Variants in ZNF423 observed in about 807,000 individuals in gnomAD.
The protein encoded by ZNF423 is Ebf-associated zinc finger protein.
In ZNF423, 12 loss-of-function variants were observed where a neutral mutation model predicts 95.8. That is an observed-to-expected ratio of 0.13 (90% CI 0.08 to 0.20). The LOEUF is 0.20. Ranked by LOEUF, ZNF423 falls within the 10% of genes least tolerant of loss-of-function variation. The pLI, the probability that ZNF423 is intolerant of heterozygous loss-of-function variation, is 1.00. For missense variants in ZNF423, 1,316 were observed against 1,737.1 expected (o/e 0.76, Z 4.31); for synonymous variants, 749 against 711.9 (o/e 1.05, Z -0.83).
chr16:49,745,566 G>A (rs530711043), intron 2 of ZNF423, among the ~76,000 whole-genome samples: 4 of 152,148 alleles, frequency 2.6e-5, no homozygotes, highest in Non-Finnish European at 5.9e-5. Context: ...CAGCAAACTC[G>A]TACCTGACTG....
chr16:49,596,477 T>C (rs1268786213), intron 5 of ZNF423, among the ~76,000 whole-genome samples: 5 of 152,196 alleles, frequency 3.3e-5, no homozygotes, highest in African/African-American at 1.2e-4. Context: ...TGTAACACCA[T>C]GTAAAATGCA....
At chr16:49,646,794 G>C (rs183633512) in intron 3 of ZNF423, among the ~76,000 whole-genome samples, 1 of 152,110 alleles carries the variant, frequency 6.6e-6, no homozygotes, top group East Asian at 1.9e-4. Context: ...GGCTGGTCTT[G>C]AACTCCTGAC....
chr16:49,683,368 G>A (rs1037838174), intron 3 of ZNF423, among the ~76,000 whole-genome samples: 1 of 152,158 alleles, frequency 6.6e-6, no homozygotes, highest in African/African-American at 2.4e-5. Context: ...TCTTAATATT[G>A]AAAATACATT....
At chr16:49,735,598 T>C (rs2033266708) in intron 2 of ZNF423, among the ~76,000 whole-genome samples, 1 of 152,134 alleles carries the variant, frequency 6.6e-6, no homozygotes, top group South Asian at 2.1e-4. Context: ...GCAACAGAAG[T>C]GCTATTCTAG....
At chr16:49,734,474 C>T (rs914977600) in intron 2 of ZNF423, among the ~76,000 whole-genome samples, 4 of 152,212 alleles carry the variant, frequency 2.6e-5, no homozygotes, top group African/African-American at 7.2e-5. Context: ...TTCAACAGGC[C>T]GAGGAGAAGG....
chr16:49,579,721 G>A (rs1970607955), intron 5 of ZNF423, among the ~76,000 whole-genome samples: 1 of 152,108 alleles, frequency 6.6e-6, no homozygotes, highest in Admixed American at 6.5e-5. Flanking sequence ...CCTTTCTCAA[G>A]GACCACCATA....
chr16:49,524,885 G>A (rs1239348826), intron 6 of ZNF423, among the ~76,000 whole-genome samples: 1 of 152,224 alleles, frequency 6.6e-6, no homozygotes, highest in African/African-American at 2.4e-5. Flanking sequence ...TGGGGGCTGG[G>A]AACTTGGCCG....
At chr16:49,582,044 C>G (rs951556287) in intron 5 of ZNF423, among the ~76,000 whole-genome samples, 3 of 152,200 alleles carry the variant, frequency 2.0e-5, no homozygotes, top group Non-Finnish European at 4.4e-5. Context: ...GTTAGTTGCA[C>G]CTACTCTGTC....
At chr16:49,550,328 AT>A (rs2151752039) in intron 5 of ZNF423, among the ~76,000 whole-genome samples, 1 of 152,258 alleles carries the variant, frequency 6.6e-6, no homozygotes, top group African/African-American at 2.4e-5. Context: ...CTTTTCGTCC[AT>A]TCTCTTCCAT....
chr16:49,593,533 G>A (rs765407512), intron 5 of ZNF423, among the ~76,000 whole-genome samples: 17 of 152,126 alleles, frequency 1.1e-4, no homozygotes, highest in Admixed American at 7.2e-4. Flanking sequence ...GAAGTCTGGC[G>A]GACAGGGTTT....
chr16:49,727,836 G>A (rs35092661), intron 3 of ZNF423, among the ~76,000 whole-genome samples: 3 of 152,214 alleles, frequency 2.0e-5, no homozygotes, highest in South Asian at 2.1e-4. Context: ...CGCCCAGCGC[G>A]GCCCTCTCGG....
At position 49,603,566 on chromosome 16, in the gene ZNF423, C is replaced by T. The variant is rs1379201720; in HGVS notation, c.3601+22604G>A. ...CTGGGATTACAGGCGCCCGCCACCACGCCCAGCTAATTTTTGTGTTTTTAG... is the reference window on the plus strand; with the variant it reads ...CTGGGATTACAGGCGCCCGCCACCATGCCCAGCTAATTTTTGTGTTTTTAG... On this transcript the variant is annotated intron_variant, in intron 5 of 7. Coordinates refer to ENST00000563137, the MANE Select transcript of ZNF423 (RefSeq NM_001379286.1). The surrounding 1 kb of genome is among the most constrained non-coding windows in gnomAD (Gnocchi z 4.1). 6.6e-6 allele frequency among the ~76,000 whole-genome samples: 1 copy of T among 152,238 alleles called. No individual in the cohort carries two copies. Among genetic ancestry groups the T allele is most frequent in the Admixed American group, 6.5e-5 (1 of 15,294 alleles).
At chr16:49,745,754 A>G (rs2033509132) in intron 2 of ZNF423, among the ~76,000 whole-genome samples, 1 of 152,210 alleles carries the variant, frequency 6.6e-6, no homozygotes, top group Non-Finnish European at 1.5e-5. Context: ...AGAATTTTCA[A>G]GAATTATAAA....
chr16:49,554,957 G>A (rs144753443), intron 5 of ZNF423, among the ~76,000 whole-genome samples: 73 of 152,144 alleles, frequency 4.8e-4, no homozygotes, highest in Non-Finnish European at 2.4e-4. Context: ...GAATTTGGAT[G>A]TAAAGTGCTT....
chr16:49,502,330 T>G (rs1967442016), intron 7 of ZNF423, among the ~76,000 whole-genome samples: 1 of 152,188 alleles, frequency 6.6e-6, no homozygotes, highest in Admixed American at 6.5e-5. Context: ...GATGAAGTTC[T>G]GTTAAGACAG....
intron 1 of ZNF423, among the ~76,000 whole-genome samples, chr16:49,821,279 C>T (rs1286742818): frequency 2.2e-4 from 34 of 151,378 alleles, no homozygotes; most frequent in Non-Finnish European, 4.4e-5. Flanking sequence ...GGGCGGGGGG[C>T]GATGGGGAGC....
At chr16:49,796,628 C>G (rs1364811458) in intron 1 of ZNF423, among the ~76,000 whole-genome samples, 1 of 152,186 alleles carries the variant, frequency 6.6e-6, no homozygotes, top group Non-Finnish European at 1.5e-5. Context: ...CTGAGGCAGA[C>G]AGTGGCAGGA....
intron 7 of ZNF423, among the ~76,000 whole-genome samples, chr16:49,501,672 A>G (rs982214376): frequency 6.6e-6 from 1 of 152,192 alleles, no homozygotes; most frequent in African/African-American, 2.4e-5. Context: ...TGGTACATAT[A>G]TATATCATGG....
intron 2 of ZNF423, among the ~76,000 whole-genome samples, chr16:49,779,249 C>G (rs1402761937): frequency 6.6e-6 from 1 of 151,788 alleles, no homozygotes; most frequent in Admixed American, 6.6e-5. Flanking sequence ...AGAGAAGGAA[C>G]ATTAGAACCA....
Sources: allele counts gnomAD v4.1 joint callset (sites outside exome capture counted in the v4.1 genomes callset), GRCh38; gene constraint gnomAD v4.1.1; non-coding constraint Gnocchi (gnomAD v3.1); transcripts MANE v1.5; gene names NCBI Gene and HGNC (gene_info 2026-07-23, HGNC 2026-07-21).